Variants in ARHGEF10L observed in about 807,000 individuals in gnomAD.
The protein encoded by ARHGEF10L is Rho guanine nucleotide exchange factor 10 like, also known as rho guanine nucleotide exchange factor 10-like protein.
Under a neutral mutation model 141.2 loss-of-function variants are expected in ARHGEF10L, and 69 were observed. The observed-to-expected ratio is 0.49, with a 90% CI of 0.40 to 0.60. The LOEUF (loss-of-function observed/expected upper bound fraction) is 0.60. ARHGEF10L is among the 20% of genes least tolerant of loss of function. The pLI, the probability that ARHGEF10L is intolerant of heterozygous loss-of-function variation, is 0.00. For missense variants in ARHGEF10L, 1,482 were observed against 1,734.3 expected (o/e 0.85, Z 2.58); for synonymous variants, 711 against 718.5 (o/e 0.99, Z 0.17).
chr1:17,618,606 C>A, intron 9 of ARHGEF10L: 2 of 1,034,830 alleles, frequency 1.9e-6, no homozygotes, highest in Non-Finnish European at 2.6e-6. Flanking sequence ...TTCCTCACAG[C>A]TCCCATTTCC....
Position 17,558,447 on chromosome 1 carries a change from A to C in ARHGEF10L, c.-44+18497A>C, listed in dbSNP as rs553841646. On this transcript the variant is annotated intron_variant, in intron 1 of 28. Coordinates refer to ENST00000361221, the MANE Select transcript of ARHGEF10L (RefSeq NM_018125.4). The surrounding 1 kb of genome is among the most constrained non-coding windows in gnomAD (Gnocchi z 4.2). ...GTCAGAAAACTAAGCAAATGATTCC[A>C]GTCCAGAGTGTTAGGTGCCCAGAGG... is the stretch of plus-strand genomic sequence containing the variant. Among the ~76,000 whole-genome samples the C allele has an allele frequency of 6.6e-6, 1 of 152,370 alleles. No individual in the cohort carries two copies. The highest frequency in any genetic ancestry group is 2.4e-5 in the African/African-American group (1 of 41,592).
Position 17,655,894 on chromosome 1 carries a change from G to C in ARHGEF10L, c.2497G>C (p.Glu833Gln). The C allele has an allele frequency of 6.4e-7, 1 of 1,554,930 alleles. No individual in the cohort carries two copies. The highest frequency in any genetic ancestry group is 1.4e-5 in the African/African-American group (1 of 73,690). ...CTGCTCCCAGGTCGGGGGCGGACAG[G>C]AAGGCGCAGGGGGCCAGGTGGAAAT... ...QGYLWVGGGQ[E>Q]GAGGQVEIFS... The change falls in exon 24 of 29, where the codon GAA becomes CAA. Residue 833 changes from glutamate (E) to glutamine (Q), a missense_variant. Glu to Gln is a conservative substitution (Grantham distance 29). This residue lies in a region of ARHGEF10L where 858 missense variants were observed against 966.3 expected (regional missense o/e 0.89). Coordinates refer to ENST00000361221, the MANE Select transcript of ARHGEF10L (RefSeq NM_018125.4).
chr1:17,632,968 G>A (rs1396192611), intron 16 of ARHGEF10L, among the ~76,000 whole-genome samples: 1 of 152,232 alleles, frequency 6.6e-6, no homozygotes, highest in Non-Finnish European at 1.5e-5. Context: ...CGGCTGCTGG[G>A]CTGTGCCTGG....
At chr1:17,657,809 C>T (rs140894060) in intron 25 of ARHGEF10L, among the ~76,000 whole-genome samples, 39 of 152,340 alleles carry the variant, frequency 2.6e-4, no homozygotes, top group Middle Eastern at 3.4e-3. Context: ...CACTCCCAAC[C>T]GGCTCCCACG....
chr1:17,597,110 T>C (rs1328613249), intron 4 of ARHGEF10L, among the ~76,000 whole-genome samples: 2 of 152,134 alleles, frequency 1.3e-5, no homozygotes, highest in African/African-American at 4.8e-5. Context: ...TCTTCCCTGC[T>C]TCTGCATCTG....
rs139721173 is a variant in ARHGEF10L at position 17,621,810 on chromosome 1, G to GGGCCACAGCAGGTAGT, written c.943-50_943-49insACAGCAGGTAGTGGCC. 14 of 1,496,726 alleles carry GGGCCACAGCAGGTAGT rather than the reference G, an allele frequency of 9.4e-6. No homozygotes were observed. The South Asian group carries it at 1.6e-4, about 17-fold the overall frequency. The allele number at this position is 1,496,726 out of a possible 1,614,324, so 92.7% of individuals were successfully genotyped here. On this transcript the variant is annotated intron_variant, in intron 10 of 28. Transcript: ENST00000361221. This position sits in a 1 kb window ranked among gnomAD's most constrained non-coding sequence, Gnocchi z 4.1. ...TTGTCAGCTCCCCTTCCTGTCACTT[G>GGGCCACAGCAGGTAGT]GGCCCTGTGCAGCAGGTGTCATGTG...
At chr1:17,612,550 T>C (rs2059602348) in intron 7 of ARHGEF10L, among the ~76,000 whole-genome samples, 1 of 152,114 alleles carries the variant, frequency 6.6e-6, no homozygotes, top group South Asian at 2.1e-4. Context: ...TCTGCCAAAC[T>C]CTTCTTCTAC....
chr1:17,634,715 G>A, intron 17 of ARHGEF10L, 120 bp from the exon 18 acceptor site: 1 of 1,457,352 alleles, frequency 6.9e-7, no homozygotes, highest in South Asian at 1.3e-5. Flanking sequence ...TTGGTCTGAG[G>A]TCTTGCGCTG....
Position 17,539,733 on chromosome 1 carries a change from C to G in ARHGEF10L, c.-261C>G, listed in dbSNP as rs2076644630. ...CGGCGGCGGCGGCGGGACCAGGCCT[C>G]GGAGCGCGGCGGGCGCGGGCGCAGT... On this transcript the variant is annotated 5_prime_UTR_variant, in exon 1 of 29. Transcript: ENST00000361221. The surrounding 1 kb of genome is among the most constrained non-coding windows in gnomAD (Gnocchi z 6.0). The G allele has an allele frequency of 2.1e-5, 3 of 146,068 alleles. No individual in the cohort carries two copies. The South Asian group carries it at 5.6e-4, about 27-fold the overall frequency. The allele number at this position is 146,068 out of a possible 1,614,324, so 9.0% of individuals were successfully genotyped here.
chr1:17,658,712 GA>G (rs1186979826), intron 25 of ARHGEF10L, among the ~76,000 whole-genome samples: 2 of 152,116 alleles, frequency 1.3e-5, no homozygotes, highest in East Asian at 3.9e-4. Flanking sequence ...TCTATAGAGG[GA>G]GAGGGAATCG....
intron 1 of ARHGEF10L, among the ~76,000 whole-genome samples, chr1:17,553,199 G>A (rs754233676): frequency 3.3e-5 from 5 of 152,160 alleles, no homozygotes; most frequent in Non-Finnish European, 7.3e-5. Flanking sequence ...CCAGTTGCCT[G>A]GGTTCTAATC....
chr1:17,631,284 C>T (rs1267386468), intron 15 of ARHGEF10L, among the ~76,000 whole-genome samples: 1 of 152,136 alleles, frequency 6.6e-6, no homozygotes, highest in Non-Finnish European at 1.5e-5. Context: ...AAAAAATCCC[C>T]TTTAGAAAAA....
At chr1:17,662,061 G>A (rs2062665171) in intron 25 of ARHGEF10L, among the ~76,000 whole-genome samples, 1 of 152,210 alleles carries the variant, frequency 6.6e-6, no homozygotes, top group Non-Finnish European at 1.5e-5. Flanking sequence ...TCCACACACT[G>A]TTGTGTTGTG....
At chr1:17,587,950 A>C (rs1055241791) in intron 3 of ARHGEF10L, among the ~76,000 whole-genome samples, 1 of 152,202 alleles carries the variant, frequency 6.6e-6, no homozygotes, top group African/African-American at 2.4e-5. Context: ...GCTTCTCCTA[A>C]AGAATCCACA....
the ARHGEF10L span, among the ~76,000 whole-genome samples, chr1:17,517,101 C>T: frequency 6.6e-6 from 1 of 152,192 alleles, no homozygotes; most frequent in Non-Finnish European, 1.5e-5. Flanking sequence ...CTCTCCCGTG[C>T]TCCAGGACTT....
chr1:17,556,304 T>C (rs1324049459), intron 1 of ARHGEF10L, among the ~76,000 whole-genome samples: 3 of 55,628 alleles, frequency 5.4e-5, no homozygotes, highest in Non-Finnish European at 1.0e-4. Context: ...AGGGCGGGCC[T>C]GGGAGCACGG....
chr1:17,676,600 CT>C (rs1209729988), intron 26 of ARHGEF10L, among the ~76,000 whole-genome samples: 1 of 152,002 alleles, frequency 6.6e-6, no homozygotes, highest in African/African-American at 2.4e-5. Context: ...CTTTCTGGGC[CT>C]CATGCTGAGG....
chr1:17,580,606 C>T lies in ARHGEF10L; in HGVS notation c.11C>T (p.Ser4Phe), dbSNP rs1332481735. Residue 4 changes from serine to phenylalanine, a missense_variant, in exon 2 of 29, where the codon TCC (serine) becomes TTC (phenylalanine). Physicochemically the swap from Ser to Phe is radical, Grantham distance 155. This residue lies in a region of ARHGEF10L where 232 missense variants were observed against 225.9 expected (regional missense o/e 1.03). Coordinates refer to ENST00000361221, the MANE Select transcript of ARHGEF10L (RefSeq NM_018125.4). The part of the protein sequence containing the change: MAS[S>F]NPPPQPAIGD... ...GCTGGACCTTGTCTGATGGCTTCCT[C>T]CAACCCTCCTCCACAGCCTGCCATA... 1.9e-6 allele frequency: 3 copies of T among 1,614,210 alleles called. No homozygotes were observed. The Admixed American group carries it at 5.0e-5, about 27-fold the overall frequency.
intron 2 of ARHGEF10L, among the ~76,000 whole-genome samples, chr1:17,586,263 C>A (rs539123053): frequency 4.6e-5 from 7 of 152,294 alleles, no homozygotes; most frequent in African/African-American, 1.4e-4. Context: ...GCAGAGGAAA[C>A]CAAAATTCAG....
Sources: allele counts gnomAD v4.1 joint callset (sites outside exome capture counted in the v4.1 genomes callset), GRCh38; gene constraint gnomAD v4.1.1; regional missense constraint gnomAD v4.1.1; non-coding constraint Gnocchi (gnomAD v3.1); transcripts MANE v1.5; gene names NCBI Gene and HGNC (gene_info 2026-07-23, HGNC 2026-07-21).